The following RBFOX1 variants were observed in gnomAD, a reference collection of about 807,000 sequenced individuals.
RBFOX1 encodes RNA binding fox-1 homolog 1, also known as RNA binding protein fox-1 homolog 1.
A neutral mutation model predicts 57.7 loss-of-function variants in RBFOX1; 8 were observed. The observed-to-expected ratio is 0.14, with a 90% CI of 0.08 to 0.25. The LOEUF (loss-of-function observed/expected upper bound fraction) is 0.25. Ranked by LOEUF, RBFOX1 falls within the 10% of genes least tolerant of loss-of-function variation. The pLI, the probability that RBFOX1 is intolerant of heterozygous loss-of-function variation, is 1.00. For synonymous variants in RBFOX1, 326 were observed against 222.4 expected (o/e 1.47, Z -4.15); for missense variants, 611 against 548.5 (o/e 1.11, Z -1.14).
chr16:6,866,541 A>AATTTTTTTTTTTTTTTTTT (rs761820657), intron 3 of RBFOX1, among the ~76,000 whole-genome samples: 1 of 78,886 alleles, frequency 1.3e-5, no homozygotes, highest in African/African-American at 5.6e-5. Context: ...CTTTCCTTCT[A>AATTTTTTTTTTTTTTTTTT]TTTTTTTTTT....
chr16:7,433,451 A>G (rs184853839), intron 4 of RBFOX1, among the ~76,000 whole-genome samples: 1 of 152,346 alleles, frequency 6.6e-6, no homozygotes, highest in East Asian at 1.9e-4. Flanking sequence ...TGAATGTTCC[A>G]TGTAGAGCAG....
intron 7 of RBFOX1, among the ~76,000 whole-genome samples, chr16:7,590,551 C>T (rs973975244): frequency 2.6e-5 from 4 of 152,014 alleles, no homozygotes; most frequent in Non-Finnish European, 2.9e-5. Context: ...GATATAGCTA[C>T]TCCCTACGTA....
chr16:5,787,828 C>G (rs1378768417), intron 3 of RBFOX1, among the ~76,000 whole-genome samples: 1 of 152,114 alleles, frequency 6.6e-6, no homozygotes, highest in Non-Finnish European at 1.5e-5. Context: ...CAAGAGGTAG[C>G]AAACAAAGTT....
At chr16:7,580,604 A>C (rs564766080) in intron 6 of RBFOX1, among the ~76,000 whole-genome samples, 2 of 152,336 alleles carry the variant, frequency 1.3e-5, no homozygotes, top group Non-Finnish European at 2.9e-5. Context: ...AACACAGAGC[A>C]GGCCACAAGT....
intron 4 of RBFOX1, among the ~76,000 whole-genome samples, chr16:6,005,956 A>G (rs1330389183): frequency 2.0e-5 from 3 of 152,226 alleles, no homozygotes; most frequent in Non-Finnish European, 4.4e-5. Flanking sequence ...GGGTGAAATC[A>G]GACTGTATAG....
chr16:6,564,781 C>T (rs2097235309), intron 2 of RBFOX1, among the ~76,000 whole-genome samples: 1 of 152,082 alleles, frequency 6.6e-6, no homozygotes, highest in Non-Finnish European at 1.5e-5. Context: ...TTACACAAGG[C>T]ATATATAAAT....
At chr16:7,010,920 C>T (rs902210152) in intron 3 of RBFOX1, among the ~76,000 whole-genome samples, 2 of 152,208 alleles carry the variant, frequency 1.3e-5, no homozygotes, top group African/African-American at 4.8e-5. Context: ...TGATAAAGTT[C>T]TCCCACCAAA....
intron 3 of RBFOX1, among the ~76,000 whole-genome samples, chr16:5,820,673 G>A (rs144837725): frequency 0.011 from 1,671 of 152,244 alleles, 15 homozygotes; most frequent in South Asian, 0.035. Flanking sequence ...CCTCTGAAGT[G>A]CGTCACAGCG....
intron 3 of RBFOX1, among the ~76,000 whole-genome samples, chr16:5,689,944 T>G (rs2050621486): frequency 6.6e-6 from 1 of 152,136 alleles, no homozygotes; most frequent in South Asian, 2.1e-4. Context: ...CCTGGAGACG[T>G]AGAGCATGGC....
At chr16:7,498,806 G>T (rs746342878) in intron 4 of RBFOX1, among the ~76,000 whole-genome samples, 1 of 152,142 alleles carries the variant, frequency 6.6e-6, no homozygotes, top group Non-Finnish European at 1.5e-5. Context: ...AGCTCTTAAA[G>T]CTCTCTGACT....
chr16:5,984,969 TATATA>T (rs1424671544), intron 4 of RBFOX1, among the ~76,000 whole-genome samples: 782 of 54,888 alleles, frequency 0.014, 3 homozygotes, highest in African/African-American at 0.035. Context: ...TATATATATA[TATATA>T]TATTTTTTTT....
At chr16:6,583,247 C>G (rs1837426721) in intron 2 of RBFOX1, among the ~76,000 whole-genome samples, 3 of 152,168 alleles carry the variant, frequency 2.0e-5, no homozygotes, top group Admixed American at 2.0e-4. Context: ...GGGCACATGG[C>G]ACTCATTGGC....
intron 3 of RBFOX1, among the ~76,000 whole-genome samples, chr16:6,740,008 T>G (rs2071571617): frequency 6.6e-6 from 1 of 152,108 alleles, no homozygotes; most frequent in Non-Finnish European, 1.5e-5. Flanking sequence ...AAATATAGAA[T>G]TAACACTATT....
intron 1 of RBFOX1, among the ~76,000 whole-genome samples, chr16:5,442,136 C>G (rs1319494734): frequency 2.6e-5 from 4 of 152,186 alleles, no homozygotes; most frequent in African/African-American, 9.7e-5. Flanking sequence ...CTTGGAAGCT[C>G]AGACCAAGAA....
chr16:7,471,157 T>G (rs2061488337), intron 4 of RBFOX1, among the ~76,000 whole-genome samples: 1 of 152,182 alleles, frequency 6.6e-6, no homozygotes, highest in Admixed American at 6.5e-5. Context: ...GGGGGGATTT[T>G]CTATGATTTG....
chr16:7,126,601 C>T, intron 4 of RBFOX1: 1 of 179,046 alleles, frequency 5.6e-6, no homozygotes, highest in Middle Eastern at 1.8e-3. Flanking sequence ...GGCTGCAGCC[C>T]TTTTTGGCAT....
chr16:7,211,215 C>T (rs979406268), intron 4 of RBFOX1, among the ~76,000 whole-genome samples: 2 of 151,592 alleles, frequency 1.3e-5, no homozygotes, highest in African/African-American at 4.8e-5. Context: ...CACAGTTAAA[C>T]CCCGTCTCTA....
intron 3 of RBFOX1, among the ~76,000 whole-genome samples, chr16:6,821,556 C>G (rs772913712): frequency 6.6e-6 from 1 of 152,150 alleles, no homozygotes; most frequent in Non-Finnish European, 1.5e-5. Flanking sequence ...TTTCATTTCT[C>G]TCTCCCCCCA....
intron 2 of RBFOX1, among the ~76,000 whole-genome samples, chr16:6,524,851 T>A (rs1162601345): frequency 6.6e-6 from 1 of 152,184 alleles, no homozygotes; most frequent in Non-Finnish European, 1.5e-5. Context: ...TGAGTCTATG[T>A]GTCTCCAAAT....
Sources: gnomAD v4.1 joint callset for allele counts (sites outside exome capture counted in the v4.1 genomes callset) on GRCh38, gnomAD v4.1.1 for gene constraint, MANE v1.5 for transcripts, NCBI Gene and HGNC (gene_info 2026-07-23, HGNC 2026-07-21) for gene names.